TSNARE1: variants seen among roughly 807,000 people sequenced by gnomAD.
The protein encoded by TSNARE1 is t-SNARE domain-containing protein 1.
A neutral mutation model predicts 62.0 loss-of-function variants in TSNARE1; 49 were observed. The ratio of observed to expected loss-of-function variants is 0.79; its 90% CI spans 0.63 to 1.00. TSNARE1 has a LOEUF of 1.00. TSNARE1 is among the 50% of genes least tolerant of loss of function. TSNARE1 has a pLI of 0.00. For synonymous variants in TSNARE1, 328 were observed against 294.4 expected, an observed-to-expected ratio of 1.11 and a Z score of -1.17; for missense variants, 755 against 700.1, an observed-to-expected ratio of 1.08 and a Z score of -0.88.
chr8:142,296,518 C>T (rs1039291745), intron 10 of TSNARE1, among the ~76,000 whole-genome samples: 1 of 151,876 alleles, frequency 6.6e-6, no homozygotes, highest in African/African-American at 2.4e-5. Context: ...CAGTTTGACA[C>T]GTCGGTTCCA....
At chr8:142,362,231 G>A (rs1835220655) in intron 1 of TSNARE1, among the ~76,000 whole-genome samples, 1 of 152,236 alleles carries the variant, frequency 6.6e-6, no homozygotes, top group African/African-American at 2.4e-5. Context: ...TCCCAGGCGG[G>A]AAGAGACAGA....
chr8:142,367,526 A>AG, intron 1 of TSNARE1, among the ~76,000 whole-genome samples: 1 of 9,206 alleles, frequency 1.1e-4, no homozygotes, highest in Middle Eastern at 0.045. Flanking sequence ...GGGGCGGGGG[A>AG]GGGGGAGGGG....
chr8:142,281,256 A>G (rs1188120796), intron 11 of TSNARE1, among the ~76,000 whole-genome samples: 2 of 152,160 alleles, frequency 1.3e-5, no homozygotes, highest in East Asian at 2.0e-4. Context: ...CTCTTCCTCA[A>G]CTGAGGAAAA....
intron 12 of TSNARE1, among the ~76,000 whole-genome samples, chr8:142,249,632 C>T (rs769255128): frequency 1.6e-4 from 24 of 152,252 alleles, no homozygotes; most frequent in Non-Finnish European, 5.9e-5. Flanking sequence ...CACGGCACCT[C>T]TCCCTCCTCC....
At chr8:142,247,162 G>A (rs539666082) in intron 12 of TSNARE1, among the ~76,000 whole-genome samples, 4 of 152,276 alleles carry the variant, frequency 2.6e-5, no homozygotes, top group Admixed American at 1.3e-4. Flanking sequence ...GGTGCCCACC[G>A]CCGAGACTCC....
At chr8:142,397,607 A>G (rs1473668131) in intron 1 of TSNARE1, among the ~76,000 whole-genome samples, 1 of 152,160 alleles carries the variant, frequency 6.6e-6, no homozygotes, top group African/African-American at 2.4e-5. Context: ...GCAATCTTCC[A>G]CTGTGGAAGA....
chr8:142,280,845 A>T (rs1038146919), intron 11 of TSNARE1, among the ~76,000 whole-genome samples: 1 of 152,098 alleles, frequency 6.6e-6, no homozygotes, highest in Non-Finnish European at 1.5e-5. Context: ...GGAGGTGGTA[A>T]GGGAGTGATG....
intron 13 of TSNARE1, among the ~76,000 whole-genome samples, chr8:142,222,513 CACT>C (rs1165155956): frequency 2.1e-4 from 28 of 130,806 alleles, no homozygotes; most frequent in South Asian, 5.6e-4. Flanking sequence ...TCCACTCACT[CACT>C]CACTCATCCA....
intron 6 of TSNARE1, among the ~76,000 whole-genome samples, chr8:142,328,811 A>T (rs1374036664): frequency 1.9e-5 from 1 of 53,546 alleles, no homozygotes; most frequent in African/African-American, 1.1e-4. Flanking sequence ...TGTGACAGGG[A>T]GGCCTTTGGG....
At position 142,344,060 on chromosome 8, in the gene TSNARE1, C is replaced by T; in HGVS notation, c.651G>A (p.Gln217=). ...GCTCCACGGGCGTGAGAGCCAGGGC[C>T]TGGGGCTTGCCGGAACCAGGGCTGG... is the stretch of plus-strand genomic sequence containing the variant. ...HGPSPGSGKP[Q]ALALTPVEQV... Residue 217 remains glutamine, a synonymous_variant, in exon 4 of 14, where the codon CAG becomes CAA. Transcript: ENST00000524325. 6.2e-7 allele frequency: 1 copy of T among 1,601,658 alleles called. No individual in the cohort carries two copies. The highest frequency in any genetic ancestry group is 8.5e-7 in the Non-Finnish European group (1 of 1,172,542).
At chr8:142,393,308 T>G (rs1169778292) in intron 1 of TSNARE1, among the ~76,000 whole-genome samples, 1 of 152,168 alleles carries the variant, frequency 6.6e-6, no homozygotes, top group Non-Finnish European at 1.5e-5. Flanking sequence ...GAGAGCAGAC[T>G]GGTGGCTCCC....
intron 12 of TSNARE1, among the ~76,000 whole-genome samples, chr8:142,261,887 G>C (rs1305971784): frequency 6.6e-6 from 1 of 152,162 alleles, no homozygotes; most frequent in East Asian, 1.9e-4. Context: ...GTCCAACCTG[G>C]GCAGCAGGGC....
intron 12 of TSNARE1, among the ~76,000 whole-genome samples, chr8:142,234,252 C>A (rs1817278004): frequency 6.6e-6 from 1 of 151,952 alleles, no homozygotes; most frequent in Non-Finnish European, 1.5e-5. Context: ...ATGACCCCAA[C>A]CACGGGTTCA....
intron 9 of TSNARE1, among the ~76,000 whole-genome samples, chr8:142,311,631 A>G (rs1248110442): frequency 6.6e-6 from 1 of 152,168 alleles, no homozygotes; most frequent in East Asian, 1.9e-4. Context: ...TTATCTATTC[A>G]TAGAGCTTCT....
At chr8:142,357,202 C>T (rs1403593647) in intron 1 of TSNARE1, among the ~76,000 whole-genome samples, 1 of 152,246 alleles carries the variant, frequency 6.6e-6, no homozygotes, top group African/African-American at 2.4e-5. Flanking sequence ...CCAGCCAGAG[C>T]TCACTCGAGC....
chr8:142,272,982 C>A (rs1178300559), intron 12 of TSNARE1: 2 of 985,340 alleles, frequency 2.0e-6, no homozygotes, highest in Non-Finnish European at 2.4e-6. Flanking sequence ...CTGGTGGACC[C>A]CCTCGGGAAC....
intron 1 of TSNARE1, among the ~76,000 whole-genome samples, chr8:142,401,721 C>T (rs1265706991): frequency 6.6e-6 from 1 of 152,120 alleles, no homozygotes; most frequent in Non-Finnish European, 1.5e-5. Context: ...AGAGGTGACC[C>T]AGCCAAAACT....
intron 10 of TSNARE1, among the ~76,000 whole-genome samples, chr8:142,290,045 G>A (rs745452706): frequency 6.6e-6 from 1 of 152,152 alleles, no homozygotes; most frequent in Non-Finnish European, 1.5e-5. Flanking sequence ...GGCAGGCCTC[G>A]GCTCCTGAGG....
At chr8:142,244,440 CACTT>C (rs35829818) in intron 12 of TSNARE1, among the ~76,000 whole-genome samples, 78,799 of 151,516 alleles carry the variant, frequency 0.52, 21,252 homozygotes, top group African/African-American at 0.65. Flanking sequence ...AGAAAATCAT[CACTT>C]ACATGTATTT....
Sources: allele counts gnomAD v4.1 joint callset (sites outside exome capture counted in the v4.1 genomes callset), GRCh38; gene constraint gnomAD v4.1.1; transcripts MANE v1.5; gene names NCBI Gene and HGNC (gene_info 2026-07-23, HGNC 2026-07-21).